SARNP: variants seen among roughly 807,000 people sequenced by gnomAD.
SARNP encodes SAP domain-containing ribonucleoprotein.
In SARNP, 5 loss-of-function variants were observed where a neutral mutation model predicts 38.1. The observed-to-expected ratio is 0.13, with a 90% confidence interval of 0.07 to 0.28. The LOEUF (loss-of-function observed/expected upper bound fraction) is 0.28. Ranked by LOEUF, SARNP falls within the 10% of genes least tolerant of loss-of-function variation. The pLI is 1.00. For synonymous variants in SARNP, 84 were observed against 80.6 expected (o/e 1.04, Z -0.23); for missense variants, 180 against 243.9 (o/e 0.74, Z 1.75).
chr12:55,800,450 A>G (rs907987093), intron 4 of SARNP, 112 bp downstream of exon 4: 19 of 756,184 alleles, frequency 2.5e-5, no homozygotes, highest in Non-Finnish European at 3.6e-5. Context: ...TGACCTAATC[A>G]GAAAGGAAAA....
At chr12:55,815,415 G>A (rs1244975170) in intron 1 of SARNP, among the ~76,000 whole-genome samples, 1 of 152,096 alleles carries the variant, frequency 6.6e-6, no homozygotes, top group Non-Finnish European at 1.5e-5. Flanking sequence ...ATCACCAGTG[G>A]AACCAAACAT....
chr12:55,789,308 T>G (rs945177656), intron 8 of SARNP, among the ~76,000 whole-genome samples, 165 bp from the exon 9 acceptor site: 3 of 152,082 alleles, frequency 2.0e-5, no homozygotes, highest in Non-Finnish European at 4.4e-5. Context: ...GTCCACTGAT[T>G]ATGGCCTCCT....
At chr12:55,753,503 C>T (rs1359098723), downstream of SARNP, 1 of 152,162 alleles carries the variant, frequency 6.6e-6, no homozygotes, top group African/African-American at 2.4e-5. Context: ...GGCGCAGTGG[C>T]TTACATCTGT....
At chr12:55,775,759 C>T (rs951522362) in intron 9 of SARNP, among the ~76,000 whole-genome samples, 5 of 152,188 alleles carry the variant, frequency 3.3e-5, no homozygotes, top group South Asian at 2.1e-4. Context: ...CTCCAAAATA[C>T]TATGGGATCT....
At chr12:55,809,242 T>C (rs934932401) in intron 1 of SARNP, among the ~76,000 whole-genome samples, 1 of 149,846 alleles carries the variant, frequency 6.7e-6, no homozygotes. Flanking sequence ...GTATACTGAA[T>C]GAATTGTATG....
At chr12:55,780,489 G>A (rs2625149) in intron 9 of SARNP, among the ~76,000 whole-genome samples, 1 of 151,044 alleles carries the variant, frequency 6.6e-6, no homozygotes, top group Admixed American at 6.6e-5. Context: ...GAGAAGAGAA[G>A]AGAAAAGAAA....
At chr12:55,769,282 T>C (rs1345084930) in intron 9 of SARNP, among the ~76,000 whole-genome samples, 2 of 152,150 alleles carry the variant, frequency 1.3e-5, no homozygotes, top group African/African-American at 2.4e-5. Flanking sequence ...AATTAATTCA[T>C]TCAGTAGTCA....
intron 1 of SARNP, among the ~76,000 whole-genome samples, chr12:55,814,426 A>C (rs1231476373): frequency 6.6e-6 from 1 of 152,192 alleles, no homozygotes. Context: ...TTCACTTTTC[A>C]ATACAAATGT....
chr12:55,817,640 C>A, intron 1 of SARNP, 26 bp downstream of exon 1: 1 of 1,608,510 alleles, frequency 6.2e-7, no homozygotes, highest in East Asian at 2.3e-5. Flanking sequence ...AAAAGTCCAA[C>A]TCAGCCCTTC....
chr12:55,794,272 T>C (rs1565679494), intron 7 of SARNP, 87 bp downstream of exon 7: 4 of 1,189,914 alleles, frequency 3.4e-6, no homozygotes, highest in Middle Eastern at 2.0e-4. Flanking sequence ...CTAGCAAATT[T>C]ACCTTATTTT....
rs367874878 is a variant in SARNP, at chr12:55,809,776, G to A, written c.37-6048C>T. Among the ~76,000 whole-genome samples, 57 of 151,192 alleles carry A rather than the reference G, an allele frequency of 3.8e-4. 1 individual carries two copies. In the South Asian group the frequency reaches 0.012, roughly 31 times the overall value. ...AAAAAAAAAAAAGAAAAGAGTTATA[G>A]AACATTCTATAAGGATACTAACATT... On this transcript the variant is annotated intron_variant, in intron 1 of 10. Coordinates refer to ENST00000336133, the MANE Select transcript of SARNP (RefSeq NM_033082.4).
intron 9 of SARNP, among the ~76,000 whole-genome samples, chr12:55,774,595 A>AAAAC: frequency 6.7e-6 from 1 of 149,542 alleles, no homozygotes; most frequent in African/African-American, 2.5e-5. Flanking sequence ...AAAAAAAACA[A>AAAAC]AAATTAGCCA....
chr12:55,816,192 G>C (rs7954619), intron 1 of SARNP, among the ~76,000 whole-genome samples: 111,933 of 152,176 alleles, frequency 0.74, 46,850 homozygotes, highest in Non-Finnish European at 0.94. Context: ...ACTTACTCCA[G>C]GGATTTCAAA....
chr12:55,777,515 C>T (rs1360640888), intron 9 of SARNP, among the ~76,000 whole-genome samples: 2 of 151,970 alleles, frequency 1.3e-5, no homozygotes, highest in Non-Finnish European at 2.9e-5. Flanking sequence ...GCTGGGACTA[C>T]GGGCACATGC....
rs978299973 is a variant in SARNP, at chr12:55,764,578, G to A, written c.502-3938C>T. On this transcript the variant is annotated intron_variant, in intron 9 of 10. Transcript: ENST00000336133. ...AAGGCTGGGCGCAGTGGCTCACACC[G>A]GTAATCCCAGCACTTTGGGAGGCCG... is the stretch of plus-strand genomic sequence containing the variant. 4.0e-5 allele frequency among the ~76,000 whole-genome samples: 6 copies of A among 149,758 alleles called. No individual in the cohort carries two copies. The East Asian group carries it at 5.9e-4, about 15-fold the overall frequency.
chr12:55,771,301 A>T lies in SARNP; in HGVS notation c.502-10661T>A, dbSNP rs145184328. On this transcript the variant is annotated intron_variant, in intron 9 of 10. Coordinates refer to ENST00000336133, the MANE Select transcript of SARNP (RefSeq NM_033082.4). Reference sequence around the variant, plus strand: ...TACCAGTGCCACTCCGGATCATATAAAAAGAAACTAGGAGAAACAAAGCAA... The same window carrying T: ...TACCAGTGCCACTCCGGATCATATATAAAGAAACTAGGAGAAACAAAGCAA... Among the ~76,000 whole-genome samples the T allele has an allele frequency of 2.2e-3, 337 of 152,258 alleles. 1 individual carries two copies. The highest frequency in any genetic ancestry group is 6.8e-3 in the Middle Eastern group (2 of 294).
At chr12:55,787,052 G>A (rs899289887) in intron 9 of SARNP, among the ~76,000 whole-genome samples, 1 of 151,668 alleles carries the variant, frequency 6.6e-6, no homozygotes, top group African/African-American at 2.4e-5. Context: ...AACACAGAGA[G>A]ACCTCATCTC....
At chr12:55,796,255 G>C (rs573124009) in intron 4 of SARNP, among the ~76,000 whole-genome samples, 179 bp from the exon 5 acceptor site, 2 of 152,110 alleles carry the variant, frequency 1.3e-5, no homozygotes, top group Non-Finnish European at 2.9e-5. Context: ...CATCTATTGA[G>C]AGGAAAGAGT....
intron 9 of SARNP, among the ~76,000 whole-genome samples, chr12:55,765,396 G>A (rs940685496): frequency 1.3e-5 from 2 of 152,098 alleles, no homozygotes; most frequent in African/African-American, 4.8e-5. Flanking sequence ...CCATGCTGTC[G>A]TGCAGTAGCA....
Sources: allele counts gnomAD v4.1 joint callset (sites outside exome capture counted in the v4.1 genomes callset), GRCh38; gene constraint gnomAD v4.1.1; transcripts MANE v1.5; gene names NCBI Gene and HGNC (gene_info 2026-07-23, HGNC 2026-07-21).